Variants in DGKI observed in about 807,000 individuals in gnomAD.
DGKI encodes diacylglycerol kinase iota.
DGKI carries 55 observed loss-of-function variants against 147.5 expected under a neutral mutation model. The ratio of observed to expected loss-of-function variants is 0.37; its 90% CI spans 0.30 to 0.47. DGKI has a LOEUF of 0.47. Ranked by LOEUF, DGKI falls within the 20% of genes least tolerant of loss-of-function variation. The pLI, the probability that DGKI is intolerant of heterozygous loss-of-function variation, is 1.00. For missense variants in DGKI, 1,007 were observed against 1,323.8 expected (o/e 0.76, Z 3.71); for synonymous variants, 469 against 477.1 (o/e 0.98, Z 0.22).
intron 12 of DGKI, among the ~76,000 whole-genome samples, chr7:137,594,444 A>C (rs1819719702): frequency 6.6e-6 from 1 of 152,192 alleles, no homozygotes; most frequent in Admixed American, 6.5e-5. Flanking sequence ...ACCTTAAATA[A>C]TACTTTCTAT....
intron 2 of DGKI, among the ~76,000 whole-genome samples, chr7:137,683,134 G>C (rs1823297653): frequency 6.6e-6 from 1 of 151,946 alleles, no homozygotes; most frequent in African/African-American, 2.4e-5. Context: ...TCGGAGTCTT[G>C]TTTTCTTCTG....
At chr7:137,519,427 G>A (rs536069627) in intron 21 of DGKI, among the ~76,000 whole-genome samples, 1 of 152,120 alleles carries the variant, frequency 6.6e-6, no homozygotes, top group South Asian at 2.1e-4. Flanking sequence ...TCAAGAAATG[G>A]AACTAACTTC....
At chr7:137,655,353 CA>C (rs1822181005) in intron 4 of DGKI, among the ~76,000 whole-genome samples, 1 of 152,104 alleles carries the variant, frequency 6.6e-6, no homozygotes, top group South Asian at 2.1e-4. Context: ...TGCGTGCCAC[CA>C]CATCTGGCTA....
At chr7:137,685,003 T>C (rs951156402) in intron 2 of DGKI, among the ~76,000 whole-genome samples, 1 of 152,184 alleles carries the variant, frequency 6.6e-6, no homozygotes, top group Non-Finnish European at 1.5e-5. Context: ...TTTCTAAAGA[T>C]AAGATGACCT....
chr7:137,694,453 C>T (rs1459054522), intron 1 of DGKI, among the ~76,000 whole-genome samples: 4 of 152,210 alleles, frequency 2.6e-5, no homozygotes, highest in African/African-American at 9.6e-5. Flanking sequence ...TATGTGGCTC[C>T]CGTTTTCTAT....
In DGKI at chr7:137,587,644, G is replaced by C. The variant is rs372682489; in HGVS notation, c.1312-434C>G. Among the ~76,000 whole-genome samples the C allele has an allele frequency of 2.6e-5, 4 of 152,210 alleles. No individual in the cohort carries two copies. The South Asian group carries it at 8.3e-4, about 32-fold the overall frequency. On this transcript the variant is annotated intron_variant, in intron 12 of 32. Transcript: ENST00000614521. ...ACTCATTTACTTGATTTTCAAAATG[G>C]GGATAATAATACGTACCTCACACGA...
chr7:137,436,780 T>C (rs538471696), intron 28 of DGKI, among the ~76,000 whole-genome samples: 2 of 148,010 alleles, frequency 1.4e-5, no homozygotes, highest in Non-Finnish European at 1.5e-5. Flanking sequence ...AATCTAGCAA[T>C]GTATAAAGGC....
At chr7:137,622,177 T>G (rs1272858356) in intron 7 of DGKI, among the ~76,000 whole-genome samples, 2 of 151,924 alleles carry the variant, frequency 1.3e-5, no homozygotes, top group Admixed American at 6.5e-5. Flanking sequence ...TGACAGCAGG[T>G]TCTTCTGACA....
intron 6 of DGKI, among the ~76,000 whole-genome samples, chr7:137,632,534 C>T (rs1161138699): frequency 6.6e-6 from 1 of 152,142 alleles, no homozygotes; most frequent in African/African-American, 2.4e-5. Flanking sequence ...GGGTATGAAG[C>T]AGCACCAGGT....
rs748560566 is a variant in DGKI, at chr7:137,391,217, G to A, written c.*3C>T. 2 of 1,611,528 alleles carry A rather than the reference G, an allele frequency of 1.2e-6. No individual in the cohort carries two copies. Among genetic ancestry groups the A allele is most frequent in the South Asian group, 1.1e-5 (1 of 91,014 alleles). On this transcript the variant is annotated 3_prime_UTR_variant, in exon 33 of 33. Coordinates refer to ENST00000614521, the MANE Select transcript of DGKI (RefSeq NM_001321708.2). ...TCATGTCCTCTTTGCCCGAATACCA[G>A]GGTCAAACAGCAGTTTCCAGGTCCT...
At chr7:137,821,247 T>G (rs950150170) in intron 1 of DGKI, among the ~76,000 whole-genome samples, 2 of 152,240 alleles carry the variant, frequency 1.3e-5, no homozygotes, top group South Asian at 4.1e-4. Flanking sequence ...AAGGGATATT[T>G]TGAAAGGAGT....
At position 137,619,869 on chromosome 7, in the gene DGKI, A is replaced by C; in HGVS notation, c.948T>G (p.Ala316=). The part of the protein sequence containing the change: ...EEPCSLGAHA[A]VIVPPTWIIK... ...TGATCCAAGTGGGCGGGACAATAACAGCAGCATGAGCCCCCAGGGAGCAGG... is the reference window on the plus strand; with the variant it reads ...TGATCCAAGTGGGCGGGACAATAACCGCAGCATGAGCCCCCAGGGAGCAGG... Residue 316 remains alanine (A), a synonymous_variant, in exon 8 of 33, where the codon GCT becomes GCG. Transcript: ENST00000614521. 6.2e-7 allele frequency: 1 copy of C among 1,614,074 alleles called. No individual in the cohort carries two copies. The highest frequency in any genetic ancestry group is 8.5e-7 in the Non-Finnish European group (1 of 1,179,980).
chr7:137,743,356 G>A (rs376995760), intron 1 of DGKI, among the ~76,000 whole-genome samples: 8 of 152,156 alleles, frequency 5.3e-5, no homozygotes, highest in Admixed American at 1.3e-4. Context: ...GGAGCATACT[G>A]TAAAAAGTAC....
chr7:137,432,947 T>C (rs1200493062), intron 28 of DGKI, among the ~76,000 whole-genome samples: 1 of 152,204 alleles, frequency 6.6e-6, no homozygotes, highest in Non-Finnish European at 1.5e-5. Flanking sequence ...AGGAAAGGCT[T>C]CAGCAATGAA....
chr7:137,649,228 C>G (rs181209814), intron 5 of DGKI, among the ~76,000 whole-genome samples: 15 of 152,242 alleles, frequency 9.9e-5, no homozygotes, highest in African/African-American at 3.4e-4. Flanking sequence ...TTGCCTTCAT[C>G]GATAAGGAAA....
At chr7:137,702,520 C>T (rs1824018055) in intron 1 of DGKI, among the ~76,000 whole-genome samples, 2 of 152,082 alleles carry the variant, frequency 1.3e-5, no homozygotes, top group Admixed American at 6.6e-5. Context: ...TCAAGAAATC[C>T]TGCAACAATC....
At chr7:137,785,014 A>T (rs990205894) in intron 1 of DGKI, among the ~76,000 whole-genome samples, 1 of 152,066 alleles carries the variant, frequency 6.6e-6, no homozygotes, top group African/African-American at 2.4e-5. Flanking sequence ...CTGTATCAAA[A>T]AGTCTGAAAG....
chr7:137,709,175 A>C (rs1264600610), intron 1 of DGKI, among the ~76,000 whole-genome samples: 10 of 152,200 alleles, frequency 6.6e-5, no homozygotes, highest in Admixed American at 6.5e-4. Context: ...GCTTCAGTGT[A>C]CTTGATATGA....
intron 23 of DGKI, among the ~76,000 whole-genome samples, chr7:137,471,329 A>C (rs1367985681): frequency 6.6e-6 from 1 of 152,182 alleles, no homozygotes; most frequent in Non-Finnish European, 1.5e-5. Flanking sequence ...TGGCAGCTGA[A>C]GCCGCAGGTG....
Sources: gnomAD v4.1 joint callset for allele counts (sites outside exome capture counted in the v4.1 genomes callset) on GRCh38, gnomAD v4.1.1 for gene constraint, MANE v1.5 for transcripts, NCBI Gene and HGNC (gene_info 2026-07-23, HGNC 2026-07-21) for gene names.